The following TASP1 variants were observed in gnomAD, a reference collection of about 807,000 sequenced individuals.
The protein encoded by TASP1 is threonine aspartase 1.
TASP1 carries 16 observed loss-of-function variants against 56.6 expected under a neutral mutation model. The ratio of observed to expected loss-of-function variants is 0.28; its 90% CI spans 0.19 to 0.43. The LOEUF (loss-of-function observed/expected upper bound fraction) is 0.43, where lower values mean the gene tolerates loss of function less well. Among genes scored for constraint, TASP1 ranks in the 20% least tolerant of loss-of-function variants. The pLI, the probability that TASP1 is intolerant of heterozygous loss-of-function variation, is 1.00. For synonymous variants in TASP1, 179 were observed against 184.2 expected, an observed-to-expected ratio of 0.97 and a Z score of 0.23; for missense variants, 393 against 511.6, an observed-to-expected ratio of 0.77 and a Z score of 2.24.
the TASP1 span, among the ~76,000 whole-genome samples, chr20:13,283,463 G>A: frequency 2.0e-4 from 31 of 152,210 alleles, no homozygotes; most frequent in South Asian, 4.6e-3. Context: ...ATATTTGTCC[G>A]CAAGGATTAT....
the TASP1 span, among the ~76,000 whole-genome samples, chr20:13,252,901 C>T: frequency 6.6e-6 from 1 of 152,198 alleles, no homozygotes; most frequent in Non-Finnish European, 1.5e-5. Context: ...ATAATTTCTC[C>T]TCTCTCTTAG....
the TASP1 span, among the ~76,000 whole-genome samples, chr20:13,286,112 C>A: frequency 6.6e-6 from 1 of 152,128 alleles, no homozygotes; most frequent in Admixed American, 6.5e-5. Context: ...ACATTATAAT[C>A]TTTACTTTTG....
At chr20:13,499,036 T>G (rs1389419310) in intron 10 of TASP1, among the ~76,000 whole-genome samples, 1 of 152,184 alleles carries the variant, frequency 6.6e-6, no homozygotes, top group African/African-American at 2.4e-5. Flanking sequence ...ACAGGACTAT[T>G]CACAATAGCA....
At chr20:13,405,972 A>G (rs562623203) in intron 13 of TASP1, among the ~76,000 whole-genome samples, 1 of 152,298 alleles carries the variant, frequency 6.6e-6, no homozygotes, top group African/African-American at 2.4e-5. Context: ...TTCCCTCAGA[A>G]TGCTGTGAAA....
At chr20:13,566,006 T>C (rs1033240375) in intron 7 of TASP1, among the ~76,000 whole-genome samples, 1 of 152,204 alleles carries the variant, frequency 6.6e-6, no homozygotes, top group Non-Finnish European at 1.5e-5. Flanking sequence ...TGAAACACTA[T>C]TCAGCCTTAA....
chr20:13,321,246 C>T, the TASP1 span, among the ~76,000 whole-genome samples: 1 of 77,692 alleles, frequency 1.3e-5, no homozygotes, highest in African/African-American at 6.1e-5. Flanking sequence ...TAGTCATGTG[C>T]CCCACATAAA....
the TASP1 span, chr20:13,164,535 T>C: frequency 3.4e-6 from 2 of 580,792 alleles, no homozygotes; most frequent in Non-Finnish European, 6.3e-6. Context: ...ATTCATAGTA[T>C]GGAGTTAGAC....
chr20:13,584,209 GA>G (rs1022841202), intron 5 of TASP1, among the ~76,000 whole-genome samples: 2 of 151,858 alleles, frequency 1.3e-5, no homozygotes, highest in South Asian at 2.1e-4. Context: ...AGTCATTTCA[GA>G]AAAAAATGCA....
At chr20:13,204,279 G>A in the TASP1 span, among the ~76,000 whole-genome samples, 1 of 152,108 alleles carries the variant, frequency 6.6e-6, no homozygotes, top group African/African-American at 2.4e-5. Flanking sequence ...TCAGAGGGCT[G>A]AGTTGTTCTG....
chr20:13,570,599 C>T (rs1437920032), intron 6 of TASP1, among the ~76,000 whole-genome samples: 1 of 152,054 alleles, frequency 6.6e-6, no homozygotes, highest in African/African-American at 2.4e-5. Flanking sequence ...ATCTCAATAA[C>T]TGCTTTCTAA....
chr20:13,470,430 T>C (rs562962079), intron 11 of TASP1, among the ~76,000 whole-genome samples: 12 of 152,304 alleles, frequency 7.9e-5, no homozygotes, highest in African/African-American at 2.9e-4. Context: ...TATAGAAATT[T>C]CCCATCTTTT....
downstream of TASP1, among the ~76,000 whole-genome samples, chr20:13,388,156 G>A (rs984788272): frequency 6.6e-6 from 1 of 152,164 alleles, no homozygotes; most frequent in Non-Finnish European, 1.5e-5. Flanking sequence ...TTAAAATACA[G>A]CTTCAGATTC....
the TASP1 span, among the ~76,000 whole-genome samples, chr20:13,225,723 T>C: frequency 6.6e-6 from 1 of 152,226 alleles, no homozygotes; most frequent in Non-Finnish European, 1.5e-5. Flanking sequence ...GAGAAAACTA[T>C]CTGCAGTAGC....
At chr20:13,497,721 T>C (rs990241911) in intron 10 of TASP1, among the ~76,000 whole-genome samples, 3 of 152,078 alleles carry the variant, frequency 2.0e-5, no homozygotes. Context: ...CATCACACTA[T>C]CTGACTTTAA....
the TASP1 span, among the ~76,000 whole-genome samples, chr20:13,184,316 G>A: frequency 6.6e-6 from 1 of 152,106 alleles, no homozygotes; most frequent in African/African-American, 2.4e-5. Flanking sequence ...CAATGAAGAT[G>A]TGAAAAGTGA....
chr20:13,298,813 C>A, the TASP1 span: 1 of 842,842 alleles, frequency 1.2e-6, no homozygotes, highest in Non-Finnish European at 1.8e-6. Flanking sequence ...TTGTTGACTT[C>A]AGGGAGTTGT....
the TASP1 span, among the ~76,000 whole-genome samples, chr20:13,259,952 C>A: frequency 6.6e-6 from 1 of 152,208 alleles, no homozygotes; most frequent in Admixed American, 6.5e-5. Flanking sequence ...GTACCTGATA[C>A]ATAATAAATA....
chr20:13,165,687 C>T, the TASP1 span: 1 of 152,220 alleles, frequency 6.6e-6, no homozygotes, highest in African/African-American at 2.4e-5. Flanking sequence ...GCTTACCCTG[C>T]ACAGCCTCTA....
chr20:13,625,532 C>A (rs867480679), intron 2 of TASP1, among the ~76,000 whole-genome samples: 6 of 152,212 alleles, frequency 3.9e-5, no homozygotes, highest in Non-Finnish European at 7.3e-5. Flanking sequence ...TCAAGAACCT[C>A]TTTCCAAAAT....
Sources: gnomAD v4.1 joint callset for allele counts (sites outside exome capture counted in the v4.1 genomes callset) on GRCh38, gnomAD v4.1.1 for gene constraint, MANE v1.5 for transcripts, NCBI Gene and HGNC (gene_info 2026-07-23, HGNC 2026-07-21) for gene names.